NOD1: variants seen among roughly 807,000 people sequenced by gnomAD.
The protein encoded by NOD1 is nucleotide binding oligomerization domain containing 1, also known as nucleotide-binding oligomerization domain-containing protein 1.
In NOD1, 70 loss-of-function variants were observed where a neutral mutation model predicts 81.2. That is an observed-to-expected ratio of 0.86 (90% CI 0.71 to 1.05). NOD1 has a LOEUF of 1.05. Among genes scored for constraint, NOD1 ranks in the 50% least tolerant of loss-of-function variants. The probability of loss-of-function intolerance (pLI) is 0.00; values close to 1 mark genes in which losing one functional copy is unlikely to be tolerated. For synonymous variants in NOD1, 508 were observed against 526.9 expected, an observed-to-expected ratio of 0.96 and a Z score of 0.49; for missense variants, 1,233 against 1,228.0, an observed-to-expected ratio of 1.00 and a Z score of -0.06.
chr7:30,437,575 C>A lies in NOD1; in HGVS notation c.2535G>T (p.Leu845=). 6.6e-7 allele frequency: 1 copy of A among 1,504,018 alleles called. No individual in the cohort carries two copies. Among genetic ancestry groups the A allele is most frequent in the Middle Eastern group, 1.9e-4 (1 of 5,350 alleles). 93.2% of individuals were successfully genotyped at this position (1,504,018 alleles called of 1,614,324 possible). ...GGAGACAGCAGGGCCACAGTTACCT[C>A]AGGGTGGTCAAGCTGGGGTGGTTCC... ...ALRNHPSLTT[L]SLASNGISTE... is the part of the protein sequence containing the mutation. Residue 845 remains leucine, a splice_region_variant and synonymous_variant, in exon 10 of 14, where the codon CTG becomes CTT. Transcript: ENST00000222823.
chr7:30,476,811 C>G (rs886199925), intron 1 of NOD1, among the ~76,000 whole-genome samples: 1 of 152,186 alleles, frequency 6.6e-6, no homozygotes, highest in Non-Finnish European at 1.5e-5. Context: ...ACTTAAAGCC[C>G]GCTAAGGCCC....
In NOD1 at chr7:30,467,903, C is replaced by A. The variant is rs1458149465; in HGVS notation, c.-351-7862G>T. Among the ~76,000 whole-genome samples the A allele has an allele frequency of 1.3e-5, 2 of 151,936 alleles. No individual in the cohort carries two copies. Among genetic ancestry groups the A allele is most frequent in the African/African-American group, 4.8e-5 (2 of 41,388 alleles). On this transcript the variant is annotated intron_variant, in intron 1 of 13. Transcript: ENST00000222823. The surrounding 1 kb of genome is among the most constrained non-coding windows in gnomAD (Gnocchi z 4.5). ...TTTTAGTAGAGACGGGGTTTCACCACGTTGGCCAGGCTGGTCTTGAACTCC... is the reference window on the plus strand; with the variant it reads ...TTTTAGTAGAGACGGGGTTTCACCAAGTTGGCCAGGCTGGTCTTGAACTCC...
chr7:30,473,192 G>A (rs1788446724), intron 1 of NOD1, among the ~76,000 whole-genome samples: 1 of 152,108 alleles, frequency 6.6e-6, no homozygotes, highest in Non-Finnish European at 1.5e-5. Flanking sequence ...TGCCTTTCTG[G>A]GCCCCCAAAT....
chr7:30,458,665 AC>A (rs1786662316), intron 3 of NOD1, among the ~76,000 whole-genome samples: 2 of 152,194 alleles, frequency 1.3e-5, no homozygotes, highest in African/African-American at 2.4e-5. Flanking sequence ...AGAGATCCTC[AC>A]CAAAAAAATT....
chr7:30,449,687 G>A (rs1161086172), intron 6 of NOD1, among the ~76,000 whole-genome samples: 2 of 152,210 alleles, frequency 1.3e-5, no homozygotes, highest in African/African-American at 2.4e-5. Flanking sequence ...AGAGAAATAA[G>A]CTTGTAACTC....
chr7:30,469,831 G>C (rs1474843167), intron 1 of NOD1, among the ~76,000 whole-genome samples: 1 of 152,242 alleles, frequency 6.6e-6, no homozygotes, highest in Non-Finnish European at 1.5e-5. Flanking sequence ...CTGGCTGCGA[G>C]ACAGTTGCTT....
intron 1 of NOD1, chr7:30,460,790 CAG>C: frequency 2.8e-6 from 2 of 705,288 alleles, no homozygotes; most frequent in Non-Finnish European, 3.5e-6. Flanking sequence ...TTTCTGCCCT[CAG>C]AGAGGGTTAG....
chr7:30,461,014 A>T (rs1445142164), intron 1 of NOD1, among the ~76,000 whole-genome samples: 1 of 152,240 alleles, frequency 6.6e-6, no homozygotes, highest in Non-Finnish European at 1.5e-5. Flanking sequence ...ACCATAGAGC[A>T]GCTCTGTTGA....
intron 1 of NOD1, among the ~76,000 whole-genome samples, chr7:30,460,974 G>T (rs770615344): frequency 3.3e-5 from 5 of 152,192 alleles, no homozygotes; most frequent in Non-Finnish European, 5.9e-5. Flanking sequence ...AGGGATTGCA[G>T]GATGGCGGAT....
chr7:30,447,112 T>A (rs762984283), intron 7 of NOD1, 62 bp from the exon 8 acceptor site: 1 of 1,611,934 alleles, frequency 6.2e-7, no homozygotes, highest in Non-Finnish European at 8.5e-7. Context: ...ATAGCCCCTG[T>A]TTTTTGAAGC....
intron 1 of NOD1, among the ~76,000 whole-genome samples, chr7:30,470,529 G>A (rs934044619): frequency 1.1e-4 from 16 of 152,316 alleles, no homozygotes; most frequent in African/African-American, 3.6e-4. Flanking sequence ...GGCTCACTTA[G>A]GGAATGTCAC....
In NOD1 at chr7:30,451,703, CA is replaced by C. The variant is rs1785733303; in HGVS notation, c.1713del (p.Ser571ArgfsTer43). 1.9e-6 allele frequency: 3 copies of C among 1,613,758 alleles called. No individual in the cohort carries two copies. Among genetic ancestry groups the C allele is most frequent in the African/African-American group, 2.7e-5 (2 of 74,934 alleles). On this transcript the variant is annotated frameshift_variant, in exon 6 of 14. Coordinates refer to ENST00000222823, the MANE Select transcript of NOD1 (RefSeq NM_006092.4). LOFTEE classifies it high-confidence loss of function. The surrounding 1 kb of genome is among the most constrained non-coding windows in gnomAD (Gnocchi z 4.2). ...TTGAAGAGGTCTTCCCGCGCCGGAC[CA>C]CTGCCCTGCAGGCACTGGAACGGGA... ...PFLPFQCLQG[S>X]GPAREDLFKN...
At position 30,451,107 on chromosome 7, in the gene NOD1, G is replaced by C. The variant is rs1785644626; in HGVS notation, c.2201+109C>G. The C allele has an allele frequency of 1.6e-6, 2 of 1,271,480 alleles. No homozygotes were observed. Among genetic ancestry groups the C allele is most frequent in the Non-Finnish European group, 2.1e-6 (2 of 934,510 alleles). 78.8% of individuals were successfully genotyped at this position (1,271,480 alleles called of 1,614,324 possible). On this transcript the variant is annotated intron_variant, in intron 6 of 13. Transcript: ENST00000222823. This position sits in a 1 kb window ranked among gnomAD's most constrained non-coding sequence, Gnocchi z 4.2. ...AAAGAAAAGGTCTGGACATTCCAAG[G>C]GCCATGGTCATGAGTCCTGGGGGAT...
At chr7:30,425,734 A>G (rs773588152) in intron 13 of NOD1, 24 bp from the exon 14 acceptor site, 1 of 1,544,594 alleles carries the variant, frequency 6.5e-7, no homozygotes, top group Non-Finnish European at 9.0e-7. Context: ...GGAAGACAAA[A>G]GTACACAGGT....
In NOD1 at chr7:30,455,195, C is replaced by T. The variant is rs1175168051; in HGVS notation, c.318G>A (p.Glu106=). ...AYVDLRPWLL[E]IGFSPSLLTQ... ...TGAGCAGGGAAGGGGAGAAGCCGAT[C>T]TCCAGCAGCCAAGGCCTGAGGTCCA... The change falls in exon 5 of 14, where the codon GAG becomes GAA. Residue 106 remains glutamate (E), a synonymous_variant. Transcript: ENST00000222823. The T allele has an allele frequency of 1.2e-6, 2 of 1,614,100 alleles. No homozygotes were observed. Among genetic ancestry groups the T allele is most frequent in the Non-Finnish European group, 1.7e-6 (2 of 1,180,052 alleles).
rs764219266 is a variant in NOD1 at position 30,446,180 on chromosome 7, G to C, written c.2414C>G (p.Ala805Gly). The C allele has an allele frequency of 4.3e-6, 7 of 1,614,024 alleles. No homozygotes were observed. In the African/African-American group the frequency reaches 9.3e-5, roughly 22 times the overall value. ...KITSEGGKYL[A>G]LAVKNSKSIS... is the part of the protein sequence containing the mutation. ...TGATTTGCTGTTCTTCACAGCCAGG[G>C]CGAGATACTTCCCTCCTTCACTTGT... is the stretch of plus-strand genomic sequence containing the variant. The change falls in exon 9 of 14, where the codon GCC becomes GGC. Residue 805 changes from alanine (A) to glycine (G), a missense_variant. Ala to Gly is a moderately conservative substitution (Grantham distance 60). Transcript: ENST00000222823.
At chr7:30,459,585 T>C (rs1466942069) in intron 2 of NOD1, among the ~76,000 whole-genome samples, 2 of 152,218 alleles carry the variant, frequency 1.3e-5, no homozygotes. Flanking sequence ...AAAAATTAAT[T>C]CACCAGAAAT....
intron 1 of NOD1, among the ~76,000 whole-genome samples, chr7:30,469,792 G>A (rs1163964269): frequency 6.6e-6 from 1 of 152,238 alleles, no homozygotes; most frequent in South Asian, 2.1e-4. Flanking sequence ...GGACTTGTCC[G>A]GATCAATCAA....
chr7:30,469,507 G>A (rs753854397), intron 1 of NOD1, among the ~76,000 whole-genome samples: 2 of 152,144 alleles, frequency 1.3e-5, no homozygotes, highest in Admixed American at 6.5e-5. Context: ...ACAAAGAAAG[G>A]AATGCAGACA....
Sources: allele counts gnomAD v4.1 joint callset (sites outside exome capture counted in the v4.1 genomes callset), GRCh38; gene constraint gnomAD v4.1.1; non-coding constraint Gnocchi (gnomAD v3.1); transcripts MANE v1.5; gene names NCBI Gene and HGNC (gene_info 2026-07-23, HGNC 2026-07-21).